The following CYP51A1 variants were observed in gnomAD, a reference collection of about 807,000 sequenced individuals.
CYP51A1 encodes the protein cytochrome P450 family 51 subfamily A member 1, also known as lanosterol 14-alpha demethylase.
CYP51A1 carries 45 observed loss-of-function variants against 53.5 expected under a neutral mutation model. The observed-to-expected ratio is 0.84, with a 90% confidence interval of 0.66 to 1.08. The LOEUF is 1.08. Ranked by LOEUF, CYP51A1 falls within the 50% of genes least tolerant of loss-of-function variation. The probability of loss-of-function intolerance (pLI) is 0.00; values close to 1 mark genes in which losing one functional copy is unlikely to be tolerated. For synonymous variants in CYP51A1, 181 were observed against 217.7 expected, an observed-to-expected ratio of 0.83 and a Z score of 1.48; for missense variants, 462 against 621.7, an observed-to-expected ratio of 0.74 and a Z score of 2.73.
chr7:92,133,110 A>C (rs1375031644), intron 1 of CYP51A1, among the ~76,000 whole-genome samples: 1 of 152,228 alleles, frequency 6.6e-6, no homozygotes, highest in Admixed American at 6.5e-5. Flanking sequence ...ATTATTTTAA[A>C]AGCTACTTGG....
chr7:92,124,318 G>A (rs757287349), intron 5 of CYP51A1, among the ~76,000 whole-genome samples: 1 of 152,168 alleles, frequency 6.6e-6, no homozygotes, highest in African/African-American at 2.4e-5. Flanking sequence ...TTTGTAGGGG[G>A]TGAAAATACT....
chr7:92,113,991 A>C, intron 9 of CYP51A1, 148 bp from the exon 10 acceptor site: 1 of 559,752 alleles, frequency 1.8e-6, no homozygotes, highest in South Asian at 3.0e-5. Context: ...AAACAACATG[A>C]ATTATTAAAA....
At chr7:92,120,578 C>A (rs1221857753) in intron 7 of CYP51A1, among the ~76,000 whole-genome samples, 1 of 152,174 alleles carries the variant, frequency 6.6e-6, no homozygotes, top group Non-Finnish European at 1.5e-5. Context: ...CGTGCCACTG[C>A]GCCTGGCTAT....
Position 92,113,863 on chromosome 7 carries a change from A to T in CYP51A1, c.1352-20T>A. On this transcript the variant is annotated intron_variant, in intron 9 of 9. Transcript: ENST00000003100. The stretch of plus-strand genomic sequence containing the variant: ...GACGCCCTAAAAAAAAGAAAAAGTT[A>T]TAAGAATCAGTTTAAATTCTTTCTC... The T allele has an allele frequency of 6.5e-7, 1 of 1,550,008 alleles. No individual in the cohort carries two copies. The highest frequency in any genetic ancestry group is 1.2e-5 in the South Asian group (1 of 83,886).
At chr7:92,127,820 T>C (rs955689120) in intron 3 of CYP51A1, among the ~76,000 whole-genome samples, 189 bp from the exon 4 acceptor site, 1 of 152,098 alleles carries the variant, frequency 6.6e-6, no homozygotes, top group African/African-American at 2.4e-5. Flanking sequence ...TAAATGAATA[T>C]ATATATCTGA....
intron 7 of CYP51A1, among the ~76,000 whole-genome samples, chr7:92,119,431 A>G (rs1193514358): frequency 3.3e-5 from 5 of 152,230 alleles, no homozygotes; most frequent in Admixed American, 2.6e-4. Flanking sequence ...CCCCTAACAC[A>G]CACATACAGA....
At chr7:92,117,378 G>T in intron 8 of CYP51A1, 166 bp from the exon 9 acceptor site, 1 of 549,730 alleles carries the variant, frequency 1.8e-6, no homozygotes, top group Admixed American at 3.5e-5. Context: ...AAAATTATAA[G>T]TTGAATCACA....
intron 8 of CYP51A1, among the ~76,000 whole-genome samples, chr7:92,118,150 C>CT (rs1383601941): frequency 2.0e-5 from 3 of 151,536 alleles, no homozygotes; most frequent in African/African-American, 7.3e-5. Flanking sequence ...CTTTTTCTTT[C>CT]TTTTTTATTT....
In CYP51A1 at chr7:92,117,197, T is replaced by C. The variant is rs139028687; in HGVS notation, c.1198A>G (p.Thr400Ala). The change falls in exon 9 of 10, where the codon ACC (threonine) becomes GCC (alanine). Residue 400 changes from threonine to alanine, a missense_variant. Thr to Ala is a moderately conservative substitution (Grantham distance 58). Transcript: ENST00000003100. ...ARTPQTVAGYTIPPGHQVCVS... is the reference protein window; with the variant it reads ...ARTPQTVAGYAIPPGHQVCVS... The stretch of plus-strand genomic sequence containing the variant: ...CACACCTGATGTCCTGGAGGAATGG[T>C]ATACCCTGCCACAGTCTATAAACAA... 6.2e-7 allele frequency: 1 copy of C among 1,613,322 alleles called. No individual in the cohort carries two copies. The highest frequency in any genetic ancestry group is 1.3e-5 in the African/African-American group (1 of 74,992).
intron 1 of CYP51A1, among the ~76,000 whole-genome samples, chr7:92,132,487 T>C (rs886981025): frequency 3.0e-5 from 4 of 132,092 alleles, no homozygotes; most frequent in Non-Finnish European, 5.0e-5. Context: ...TGGGTTTTTT[T>C]CCCCTGGGTA....
rs769190167 is a variant in CYP51A1, at chr7:92,117,040, T to C, written c.1351+4A>G. 5 of 1,606,870 alleles carry C rather than the reference T, an allele frequency of 3.1e-6. No individual in the cohort carries two copies. The East Asian group carries it at 6.7e-5, about 22-fold the overall frequency. ...ATTTCCAATCTAAAATATAATCATCTTACCAGCTCCAAATGGCACATAGGC... is the reference window on the plus strand; with the variant it reads ...ATTTCCAATCTAAAATATAATCATCCTACCAGCTCCAAATGGCACATAGGC... On this transcript the variant is annotated splice_donor_region_variant and intron_variant, in intron 9 of 9. Coordinates refer to ENST00000003100, the MANE Select transcript of CYP51A1 (RefSeq NM_000786.4).
chr7:92,118,363 G>A (rs1461008779), intron 8 of CYP51A1, among the ~76,000 whole-genome samples, 157 bp downstream of exon 8: 1 of 152,022 alleles, frequency 6.6e-6, no homozygotes, highest in Non-Finnish European at 1.5e-5. Flanking sequence ...GTCTCACTAT[G>A]TTGCCCAGGC....
intron 9 of CYP51A1, among the ~76,000 whole-genome samples, chr7:92,116,614 C>G (rs1437393578): frequency 6.6e-6 from 1 of 152,174 alleles, no homozygotes; most frequent in Non-Finnish European, 1.5e-5. Flanking sequence ...ATTCAGAGAG[C>G]AAAAATGTTG....
chr7:92,126,339 C>A lies in CYP51A1; in HGVS notation c.684G>T (p.Lys228Asn). The A allele has an allele frequency of 8.1e-6, 13 of 1,613,124 alleles. No individual in the cohort carries two copies. The highest frequency in any genetic ancestry group is 1.1e-5 in the Non-Finnish European group (13 of 1,179,664). ...CCAAATCTGCATACAGCTGTGCTACCTTTTCATTGAGTTGACTTCTGATTT... is the reference window on the plus strand; with the variant it reads ...CCAAATCTGCATACAGCTGTGCTACATTTTCATTGAGTTGACTTCTGATTT... ...GKEIRSQLNEKVAQLYADLDG... is the reference protein window; with the variant it reads ...GKEIRSQLNENVAQLYADLDG... Residue 228 changes from lysine to asparagine, a missense_variant, in exon 5 of 10, where the codon AAG (lysine) becomes AAT (asparagine). Coordinates refer to ENST00000003100, the MANE Select transcript of CYP51A1 (RefSeq NM_000786.4).
intron 9 of CYP51A1, among the ~76,000 whole-genome samples, chr7:92,115,967 A>G (rs767743052): frequency 3.9e-5 from 6 of 152,224 alleles, no homozygotes; most frequent in Non-Finnish European, 7.3e-5. Flanking sequence ...TGCTCTTCCC[A>G]TCTGTTAACA....
rs1819511510 is a variant in CYP51A1 at position 92,113,557 on chromosome 7, A to G, written c.*108T>C. The G allele has an allele frequency of 1.9e-6, 2 of 1,035,034 alleles. No individual in the cohort carries two copies. Among genetic ancestry groups the G allele is most frequent in the Non-Finnish European group, 2.9e-6 (2 of 700,774 alleles). The allele number at this position is 1,035,034 out of a possible 1,614,324, so 64.1% of individuals were successfully genotyped here. A position where few individuals can be genotyped will look rare whatever the true frequency, so the allele number is the denominator to read the frequency against. Reference sequence around the variant, plus strand: ...CATAAACTGGCTTTTAGAATTACACACTTAAAAAAACAGTAAACTACAAGA... The same window carrying G: ...CATAAACTGGCTTTTAGAATTACACGCTTAAAAAAACAGTAAACTACAAGA... On this transcript the variant is annotated 3_prime_UTR_variant, in exon 10 of 10. Transcript: ENST00000003100.
At chr7:92,134,132 T>C (rs1375117894) in intron 1 of CYP51A1, 41 bp downstream of exon 1, 1 of 1,597,066 alleles carries the variant, frequency 6.3e-7, no homozygotes, top group African/African-American at 1.3e-5. Flanking sequence ...CCGCCTCAGC[T>C]GCGGCGCGCG....
chr7:92,115,001 T>G (rs959613704), intron 9 of CYP51A1, among the ~76,000 whole-genome samples: 1 of 152,132 alleles, frequency 6.6e-6, no homozygotes, highest in Admixed American at 6.5e-5. Context: ...ATATAACAAC[T>G]AAAGAGAAGC....
chr7:92,112,269 A>ATTT lies in CYP51A1; in HGVS notation c.*1393_*1395dup, dbSNP rs1219645487. 6.6e-6 allele frequency: 1 copy of ATTT among 152,282 alleles called. No homozygotes were observed. The highest frequency in any genetic ancestry group is 2.4e-5 in the African/African-American group (1 of 41,572). The allele number at this position is 152,282 out of a possible 1,614,324, so 9.4% of individuals were successfully genotyped here. On this transcript the variant is annotated 3_prime_UTR_variant, in exon 10 of 10. Coordinates refer to ENST00000003100, the MANE Select transcript of CYP51A1 (RefSeq NM_000786.4). ...AACTGTAATATACATAAAGCAAAAT[A>ATTT]TTTTGGCATCACCTAGTGAAAACAG... is the stretch of plus-strand genomic sequence containing the variant.
Sources: gnomAD v4.1 joint callset for allele counts (sites outside exome capture counted in the v4.1 genomes callset) on GRCh38, gnomAD v4.1.1 for gene constraint, MANE v1.5 for transcripts, NCBI Gene and HGNC (gene_info 2026-07-23, HGNC 2026-07-21) for gene names.